TBC1D22A: variants seen among roughly 807,000 people sequenced by gnomAD.
TBC1D22A encodes TBC1 domain family member 22A.
TBC1D22A carries 38 observed loss-of-function variants against 60.2 expected under a neutral mutation model. The observed-to-expected ratio is 0.63, with a 90% confidence interval of 0.49 to 0.83. The LOEUF is 0.83. Ranked by LOEUF, TBC1D22A falls within the 40% of genes least tolerant of loss-of-function variation. TBC1D22A has a pLI of 0.00. For missense variants in TBC1D22A, 628 were observed against 701.0 expected (o/e 0.90, Z 1.18); for synonymous variants, 302 against 281.7 (o/e 1.07, Z -0.72).
chr22:46,770,670 A>C (rs1390597023), intron 1 of TBC1D22A, among the ~76,000 whole-genome samples: 1 of 152,182 alleles, frequency 6.6e-6, no homozygotes, highest in Non-Finnish European at 1.5e-5. Context: ...GGTTCTTCCT[A>C]TGTCCTATGT....
chr22:46,792,022 A>C (rs1198160877), intron 1 of TBC1D22A, among the ~76,000 whole-genome samples: 2 of 152,194 alleles, frequency 1.3e-5, no homozygotes, highest in Non-Finnish European at 2.9e-5. Context: ...TGGCCTCCCA[A>C]AGTGCTGGGA....
intron 4 of TBC1D22A, among the ~76,000 whole-genome samples, chr22:46,803,108 C>T (rs1489109035): frequency 6.7e-6 from 1 of 149,870 alleles, no homozygotes; most frequent in African/African-American, 2.4e-5. Context: ...TGGGGGCCTT[C>T]ACTCTGTGCT....
chr22:46,970,056 G>A (rs144545460), intron 8 of TBC1D22A, among the ~76,000 whole-genome samples: 58 of 152,218 alleles, frequency 3.8e-4, no homozygotes, highest in African/African-American at 1.3e-3. Flanking sequence ...AGCTGAGGTT[G>A]TATACATCTC....
chr22:47,055,897 G>C (rs569442791), intron 11 of TBC1D22A, among the ~76,000 whole-genome samples: 4 of 134,758 alleles, frequency 3.0e-5, no homozygotes, highest in Non-Finnish European at 4.9e-5. Flanking sequence ...CTGAGGGTCG[G>C]TGAGATACGC....
At chr22:47,093,510 A>G (rs1214532966) in intron 11 of TBC1D22A, among the ~76,000 whole-genome samples, 1 of 152,136 alleles carries the variant, frequency 6.6e-6, no homozygotes, top group Non-Finnish European at 1.5e-5. Flanking sequence ...TCAGCTGCCC[A>G]TCGGAAAGGC....
At chr22:46,882,425 G>A (rs1189728413) in intron 5 of TBC1D22A, among the ~76,000 whole-genome samples, 3 of 152,138 alleles carry the variant, frequency 2.0e-5, no homozygotes, top group Non-Finnish European at 2.9e-5. Flanking sequence ...GGCTGAAGAC[G>A]GCTGCTCTAA....
chr22:46,908,998 T>G (rs2147761468), intron 7 of TBC1D22A, among the ~76,000 whole-genome samples: 1 of 152,260 alleles, frequency 6.6e-6, no homozygotes, highest in Middle Eastern at 3.4e-3. Context: ...ATCTCTCCCC[T>G]GCAGCAGCCT....
chr22:47,173,950 G>A lies in TBC1D22A; in HGVS notation c.*324G>A. The A allele has an allele frequency of 3.8e-6, 1 of 261,652 alleles. No homozygotes were observed. Among genetic ancestry groups the A allele is most frequent in the Non-Finnish European group, 7.5e-6 (1 of 133,832 alleles). 16.2% of individuals were successfully genotyped at this position (261,652 alleles called of 1,614,324 possible). On this transcript the variant is annotated 3_prime_UTR_variant, in exon 13 of 13. Coordinates refer to ENST00000337137, the MANE Select transcript of TBC1D22A (RefSeq NM_014346.5). ...CTCGTGCTGCCCCTAGTCCGGGGCA[G>A]CCTAGGAGGCCGACCCTCTTTGGAG...
At chr22:47,119,588 C>T (rs562384374) in intron 12 of TBC1D22A, among the ~76,000 whole-genome samples, 1 of 152,174 alleles carries the variant, frequency 6.6e-6, no homozygotes, top group East Asian at 1.9e-4. Flanking sequence ...CCTCCACCTC[C>T]TGGGTTCAAG....
intron 11 of TBC1D22A, among the ~76,000 whole-genome samples, chr22:47,092,832 C>T (rs1258340859): frequency 6.6e-6 from 1 of 152,214 alleles, no homozygotes; most frequent in Non-Finnish European, 1.5e-5. Context: ...GTTCTCTTCC[C>T]TTTGAATTTG....
chr22:46,788,510 G>A lies in TBC1D22A; in HGVS notation c.63-4010G>A, dbSNP rs2084263143. On this transcript the variant is annotated intron_variant, in intron 1 of 12. Transcript: ENST00000337137. ...TGGCACGTGGCATGGTGGTCACAGG[G>A]CTGTTCCTTCACTTTTCTGTGTGTT... Among the ~76,000 whole-genome samples, 3 of 152,188 alleles carry A rather than the reference G, an allele frequency of 2.0e-5. No individual in the cohort carries two copies. The South Asian group carries it at 6.2e-4, about 32-fold the overall frequency.
At chr22:46,809,088 G>A (rs757117643) in intron 4 of TBC1D22A, among the ~76,000 whole-genome samples, 1 of 152,228 alleles carries the variant, frequency 6.6e-6, no homozygotes, top group Admixed American at 6.5e-5. Context: ...AAATACCACA[G>A]ACTGGGTGGT....
chr22:46,891,457 G>C (rs1393742644), intron 6 of TBC1D22A, 63 bp downstream of exon 6: 1 of 1,503,990 alleles, frequency 6.6e-7, no homozygotes, highest in African/African-American at 1.4e-5. Context: ...TGATTTATAG[G>C]AGGAAATGTT....
chr22:47,098,079 GA>G lies in TBC1D22A; in HGVS notation c.1330-13421del, dbSNP rs377417357. ...GTAGTAAAGAAAAAAAAAAGAAAAA[GA>G]AAAAAAATCAGGATTGGGAGATTTC... On this transcript the variant is annotated intron_variant, in intron 11 of 12. Transcript: ENST00000337137. 6.1e-4 allele frequency among the ~76,000 whole-genome samples: 93 copies of G among 151,820 alleles called. 1 individual carries two copies. In the East Asian group the frequency reaches 6.4e-3, roughly 10 times the overall value.
intron 11 of TBC1D22A, among the ~76,000 whole-genome samples, chr22:47,076,881 G>C (rs1376200893): frequency 6.6e-6 from 1 of 152,136 alleles, no homozygotes; most frequent in African/African-American, 2.4e-5. Flanking sequence ...TTGATGCTCT[G>C]ATCCTCTTAA....
At chr22:46,945,178 A>T (rs919618194) in intron 8 of TBC1D22A, among the ~76,000 whole-genome samples, 7 of 152,216 alleles carry the variant, frequency 4.6e-5, no homozygotes, top group African/African-American at 1.7e-4. Context: ...TTGAAAAACT[A>T]CTGGTGGGTT....
At chr22:47,046,429 G>A (rs537598768) in intron 11 of TBC1D22A, among the ~76,000 whole-genome samples, 3 of 152,304 alleles carry the variant, frequency 2.0e-5, no homozygotes, top group East Asian at 1.9e-4. Context: ...CTCCCTTAGC[G>A]ACTGGTTGGG....
In TBC1D22A at chr22:46,762,759, C is replaced by T. The variant is rs766900594; in HGVS notation, c.-28C>T. On this transcript the variant is annotated 5_prime_UTR_variant, in exon 1 of 13. Transcript: ENST00000337137. Reference sequence around the variant, plus strand: ...GCCGGGTGCACTCGGGGTGTCTGGGCCGCGGGTCTGAGGGATGAGGAGGGG... The same window carrying T: ...GCCGGGTGCACTCGGGGTGTCTGGGTCGCGGGTCTGAGGGATGAGGAGGGG... The T allele has an allele frequency of 1.1e-5, 15 of 1,417,914 alleles. No homozygotes were observed. In the South Asian group the frequency reaches 2.2e-4, roughly 21 times the overall value. The allele number at this position is 1,417,914 out of a possible 1,614,324, so 87.8% of individuals were successfully genotyped here.
intron 8 of TBC1D22A, among the ~76,000 whole-genome samples, chr22:46,973,772 G>A (rs374486966): frequency 2.0e-5 from 3 of 152,136 alleles, no homozygotes; most frequent in Admixed American, 1.3e-4. Flanking sequence ...TATTTAGAGC[G>A]CCATTGTCTG....
Sources: gnomAD v4.1 joint callset for allele counts (sites outside exome capture counted in the v4.1 genomes callset) on GRCh38, gnomAD v4.1.1 for gene constraint, MANE v1.5 for transcripts, NCBI Gene and HGNC (gene_info 2026-07-23, HGNC 2026-07-21) for gene names.